Variants in CLIP1 observed in about 807,000 individuals in gnomAD.
CLIP1 encodes the protein CAP-Gly domain-containing linker protein 1.
In CLIP1, 66 loss-of-function variants were observed where a neutral mutation model predicts 161.6. That is an observed-to-expected ratio of 0.41 (90% CI 0.33 to 0.50). The LOEUF is 0.50. Among genes scored for constraint, CLIP1 ranks in the 20% least tolerant of loss-of-function variants. The pLI, the probability that CLIP1 is intolerant of heterozygous loss-of-function variation, is 0.27. For synonymous variants in CLIP1, 598 were observed against 626.2 expected (o/e 0.96, Z 0.67); for missense variants, 1,376 against 1,702.0 (o/e 0.81, Z 3.37).
In CLIP1 at chr12:122,341,292, T is replaced by A. The variant is rs771208410; in HGVS notation, c.1912A>T (p.Met638Leu). The A allele has an allele frequency of 2.5e-6, 4 of 1,614,046 alleles. No individual in the cohort carries two copies. The highest frequency in any genetic ancestry group is 3.4e-6 in the Non-Finnish European group (4 of 1,179,900). Residue 638 changes from methionine (M) to leucine (L), a missense_variant, in exon 11 of 26, where the codon ATG becomes TTG. Transcript: ENST00000620786. ...ETAIASHQQA[M>L]EELKVSFSKG... ...CTGAAAGATACCTTCAGTTCTTCCA[T>A]CGCCTGCTGGTGGGATGCGATGGCA...
chr12:122,328,451 G>T, intron 15 of CLIP1, 25 bp from the exon 16 acceptor site: 1 of 1,419,592 alleles, frequency 7.0e-7, no homozygotes. Context: ...AATATAAGGT[G>T]TCAGATTTTT....
intron 1 of CLIP1, among the ~76,000 whole-genome samples, chr12:122,383,064 CA>C (rs1366228300): frequency 1.3e-5 from 2 of 152,156 alleles, no homozygotes; most frequent in Non-Finnish European, 2.9e-5. Flanking sequence ...ACTCAGCCAA[CA>C]ACGACCATGT....
At chr12:122,365,207 C>A in intron 3 of CLIP1, 1 of 459,654 alleles carries the variant, frequency 2.2e-6, no homozygotes, top group Non-Finnish European at 3.7e-6. Flanking sequence ...GCACAATGTG[C>A]ACATGTACCC....
rs1953829935 is a variant in CLIP1 at position 122,361,777 on chromosome 12, C to T, written c.783-596G>A. Among the ~76,000 whole-genome samples the T allele has an allele frequency of 1.3e-5, 2 of 152,080 alleles. 1 individual carries two copies. The highest frequency in any genetic ancestry group is 1.3e-4 in the Admixed American group (2 of 15,262). ...GCCCAAGAGGTCAAGGCTGAAGTAA[C>T]CCGAGATTGCACCACTGTAGTCCAG... On this transcript the variant is annotated intron_variant, in intron 4 of 25. Transcript: ENST00000620786.
rs138342532 is a variant in CLIP1 at position 122,388,619 on chromosome 12, A to G, written c.-106-8061T>C. Reference sequence around the variant, plus strand: ...GGTCTTGTTTTATCACCCAGATTAGAGTGCAGTGACACAATGGTAGCTCAC... The same window carrying G: ...GGTCTTGTTTTATCACCCAGATTAGGGTGCAGTGACACAATGGTAGCTCAC... On this transcript the variant is annotated intron_variant, in intron 1 of 25. Transcript: ENST00000620786. Among the ~76,000 whole-genome samples the G allele has an allele frequency of 3.0e-3, 457 of 152,234 alleles. 2 individuals are homozygous for G. Among genetic ancestry groups the G allele is most frequent in the Non-Finnish European group, 4.7e-3 (322 of 68,008 alleles).
intron 2 of CLIP1, among the ~76,000 whole-genome samples, chr12:122,378,660 T>C (rs996521776): frequency 1.3e-5 from 2 of 152,146 alleles, no homozygotes. Context: ...ATTCACTAAA[T>C]AGCACTACTC....
At chr12:122,340,184 G>A (rs914691472) in intron 11 of CLIP1, among the ~76,000 whole-genome samples, 15 of 151,690 alleles carry the variant, frequency 9.9e-5, no homozygotes, top group African/African-American at 3.2e-4. Flanking sequence ...TTGTTCAAGT[G>A]ATTCTCCTGC....
chr12:122,382,168 C>T, intron 1 of CLIP1, among the ~76,000 whole-genome samples: 1 of 151,986 alleles, frequency 6.6e-6, no homozygotes, highest in Non-Finnish European at 1.5e-5. Flanking sequence ...TTGAGACCAG[C>T]CTGACCAACA....
chr12:122,326,047 G>A (rs1436012610), intron 17 of CLIP1, among the ~76,000 whole-genome samples: 1 of 152,214 alleles, frequency 6.6e-6, no homozygotes, highest in Non-Finnish European at 1.5e-5. Context: ...GGGAATAGGA[G>A]GCTTCATGGG....
intron 20 of CLIP1, among the ~76,000 whole-genome samples, chr12:122,301,151 G>A (rs1248090050): frequency 6.6e-6 from 1 of 152,110 alleles, no homozygotes; most frequent in Non-Finnish European, 1.5e-5. Context: ...CATGATCTTG[G>A]ACTGAATCCT....
At chr12:122,360,039 C>T (rs1953698353) in intron 5 of CLIP1, among the ~76,000 whole-genome samples, 1 of 152,046 alleles carries the variant, frequency 6.6e-6, no homozygotes. Context: ...CTGCTCTAAA[C>T]AGGAAAAAGA....
intron 1 of CLIP1, among the ~76,000 whole-genome samples, chr12:122,390,179 A>ATAT (rs981930645): frequency 5.9e-5 from 7 of 118,224 alleles, no homozygotes; most frequent in Non-Finnish European, 9.6e-5. Context: ...TCAGATATAT[A>ATAT]TATATATATA....
At chr12:122,354,637 G>T (rs1953239841) in intron 6 of CLIP1, 81 bp from the exon 7 acceptor site, 2 of 1,087,008 alleles carry the variant, frequency 1.8e-6, no homozygotes, top group South Asian at 2.6e-5. Flanking sequence ...AAGAGCTGTG[G>T]GTCACCATGG....
At chr12:122,406,599 T>C (rs1340681967) in intron 1 of CLIP1, among the ~76,000 whole-genome samples, 1 of 152,224 alleles carries the variant, frequency 6.6e-6, no homozygotes, top group Admixed American at 6.6e-5. Context: ...GTTTATGGTA[T>C]CTTTCCAAAG....
At chr12:122,420,045 A>T (rs1041528022) in intron 1 of CLIP1, among the ~76,000 whole-genome samples, 1 of 151,292 alleles carries the variant, frequency 6.6e-6, no homozygotes, top group Non-Finnish European at 1.5e-5. Flanking sequence ...AATTTTTTTT[A>T]AGATAAGGAC....
rs182920265 is a variant in CLIP1, at chr12:122,286,494, C to T, written c.3647+1995G>A. ...CAAGATCGCGCCACTGCACTCCAGCCTGGGTGATAGAGCAAGACTCTGTCT... is the reference window on the plus strand; with the variant it reads ...CAAGATCGCGCCACTGCACTCCAGCTTGGGTGATAGAGCAAGACTCTGTCT... On this transcript the variant is annotated intron_variant, in intron 21 of 25. Transcript: ENST00000620786. 4.3e-3 allele frequency among the ~76,000 whole-genome samples: 522 copies of T among 120,626 alleles called. 1 individual carries two copies. The highest frequency in any genetic ancestry group is 0.016 in the African/African-American group (495 of 31,710). The allele number at this position is 120,626 out of a possible 152,430, so 79.1% of individuals were successfully genotyped here. A position where few individuals can be genotyped will look rare whatever the true frequency, so the allele number is the denominator to read the frequency against.
rs142630130 is a variant in CLIP1 at position 122,382,054 on chromosome 12, G to A, written c.-106-1496C>T. 4.6e-5 allele frequency among the ~76,000 whole-genome samples: 7 copies of A among 152,208 alleles called. No homozygotes were observed. In the East Asian group the frequency reaches 7.7e-4, roughly 17 times the overall value. ...AGCCTGGTGAACCTGGTGAAACCTC[G>A]TCTCTCCTAAAAATACAAAAATTAT... On this transcript the variant is annotated intron_variant, in intron 1 of 25. Coordinates refer to ENST00000620786, the MANE Select transcript of CLIP1 (RefSeq NM_001247997.2).
At chr12:122,320,998 G>T (rs996962394) in intron 17 of CLIP1, among the ~76,000 whole-genome samples, 2 of 150,390 alleles carry the variant, frequency 1.3e-5, no homozygotes, top group Non-Finnish European at 2.9e-5. Context: ...GTAAGCCACC[G>T]CACCCGGTGA....
chr12:122,363,722 T>C (rs2136617214), intron 4 of CLIP1, among the ~76,000 whole-genome samples: 1 of 147,958 alleles, frequency 6.8e-6, no homozygotes, highest in Non-Finnish European at 1.5e-5. Context: ...ACAGATAACA[T>C]GGTATTTCCT....
Sources: gnomAD v4.1 joint callset for allele counts (sites outside exome capture counted in the v4.1 genomes callset) on GRCh38, gnomAD v4.1.1 for gene constraint, MANE v1.5 for transcripts, NCBI Gene and HGNC (gene_info 2026-07-23, HGNC 2026-07-21) for gene names.